GTF2A1: variants seen among roughly 807,000 people sequenced by gnomAD.
GTF2A1 encodes general transcription factor IIA subunit 1.
GTF2A1 carries 12 observed loss-of-function variants against 54.1 expected under a neutral mutation model. The ratio of observed to expected loss-of-function variants is 0.22; its 90% CI spans 0.14 to 0.36. GTF2A1 has a LOEUF of 0.36. Ranked by LOEUF, GTF2A1 falls within the 10% of genes least tolerant of loss-of-function variation. The pLI is 1.00. For missense variants in GTF2A1, 335 were observed against 442.2 expected, an observed-to-expected ratio of 0.76 and a Z score of 2.17; for synonymous variants, 145 against 152.0, an observed-to-expected ratio of 0.95 and a Z score of 0.34.
chr14:81,212,874 C>CAGA lies in GTF2A1; in HGVS notation c.132+3536_132+3538dup, dbSNP rs528656826. Among the ~76,000 whole-genome samples the CAGA allele has an allele frequency of 1.4e-3, 217 of 152,320 alleles. 1 individual carries two copies. Among genetic ancestry groups the CAGA allele is most frequent in the Admixed American group, 2.6e-3 (40 of 15,296 alleles). On this transcript the variant is annotated intron_variant, in intron 2 of 8. Coordinates refer to ENST00000553612, the MANE Select transcript of GTF2A1 (RefSeq NM_015859.4). Reference sequence around the variant, plus strand: ...GCTACCATACTGAAGAGCACAGGTACAGAACACTTTCATCACTGCAGAAAG... The same window carrying CAGA: ...GCTACCATACTGAAGAGCACAGGTACAGAAGAACACTTTCATCACTGCAGAAAG...
chr14:81,192,227 C>T (rs576221028), intron 7 of GTF2A1, among the ~76,000 whole-genome samples: 71 of 152,224 alleles, frequency 4.7e-4, no homozygotes, highest in Middle Eastern at 6.8e-3. Flanking sequence ...ATTATAAATG[C>T]GTAAGCCAGA....
At chr14:81,210,582 T>C (rs1595228427) in intron 2 of GTF2A1, among the ~76,000 whole-genome samples, 1 of 152,012 alleles carries the variant, frequency 6.6e-6, no homozygotes, top group South Asian at 2.1e-4. Flanking sequence ...GGATATGGAG[T>C]GTCACTTTGT....
chr14:81,195,789 C>T (rs1469139036), intron 6 of GTF2A1, among the ~76,000 whole-genome samples: 1 of 151,896 alleles, frequency 6.6e-6, no homozygotes, highest in Non-Finnish European at 1.5e-5. Context: ...CTCCTAAATC[C>T]CCTGACCCTT....
intron 7 of GTF2A1, 31 bp from the exon 8 acceptor site, chr14:81,185,651 TAAG>T (rs758983027): frequency 8.4e-7 from 1 of 1,185,632 alleles, no homozygotes; most frequent in South Asian, 1.3e-5. Context: ...CTTATTACTA[TAAG>T]AAGGCCTTAA....
intron 3 of GTF2A1, 37 bp from the exon 4 acceptor site, chr14:81,201,695 A>G: frequency 7.0e-7 from 1 of 1,423,376 alleles, no homozygotes; most frequent in Non-Finnish European, 9.9e-7. Context: ...ACAAGGAACC[A>G]TGAGGCTATT....
chr14:81,194,899 T>A (rs1484325476), intron 6 of GTF2A1, among the ~76,000 whole-genome samples: 2 of 152,056 alleles, frequency 1.3e-5, no homozygotes, highest in Non-Finnish European at 2.9e-5. Flanking sequence ...TCCCAGCACT[T>A]TGGGAGGCAA....
chr14:81,195,351 AG>A (rs1279296340), intron 6 of GTF2A1, among the ~76,000 whole-genome samples: 1 of 151,596 alleles, frequency 6.6e-6, no homozygotes, highest in African/African-American at 2.4e-5. Flanking sequence ...GAAAAAAAAA[AG>A]GCCGGGCGCA....
At chr14:81,187,326 G>C (rs1892772257) in intron 7 of GTF2A1, among the ~76,000 whole-genome samples, 1 of 149,770 alleles carries the variant, frequency 6.7e-6, no homozygotes, top group Non-Finnish European at 1.5e-5. Context: ...CTGCACTCCA[G>C]CCTGGGCAGC....
At chr14:81,211,537 C>T (rs1893363741) in intron 2 of GTF2A1, among the ~76,000 whole-genome samples, 1 of 152,066 alleles carries the variant, frequency 6.6e-6, no homozygotes, top group African/African-American at 2.4e-5. Context: ...CCTACTGCTC[C>T]CCAAGTTAAT....
chr14:81,191,842 G>GA (rs1381295078), intron 7 of GTF2A1, among the ~76,000 whole-genome samples: 3 of 151,714 alleles, frequency 2.0e-5, no homozygotes, highest in African/African-American at 4.8e-5. Flanking sequence ...GTTTTCTTCA[G>GA]AAAAAAAATT....
chr14:81,208,359 G>A (rs1315751477), intron 2 of GTF2A1, among the ~76,000 whole-genome samples: 1 of 152,220 alleles, frequency 6.6e-6, no homozygotes, highest in Non-Finnish European at 1.5e-5. Flanking sequence ...CAGAAGTCAA[G>A]AATTGAGGTT....
chr14:81,183,088 T>C (rs1433965077), intron 8 of GTF2A1, among the ~76,000 whole-genome samples: 1 of 152,228 alleles, frequency 6.6e-6, no homozygotes, highest in African/African-American at 2.4e-5. Context: ...TAAATCCTAA[T>C]TTATTATGTT....
intron 6 of GTF2A1, among the ~76,000 whole-genome samples, chr14:81,194,815 T>C (rs763606890): frequency 6.6e-6 from 1 of 152,210 alleles, no homozygotes; most frequent in Non-Finnish European, 1.5e-5. Context: ...CTCTTCTCAG[T>C]AGGCAATGAA....
intron 2 of GTF2A1, among the ~76,000 whole-genome samples, chr14:81,207,308 T>C (rs1893259046): frequency 6.6e-6 from 1 of 152,144 alleles, no homozygotes; most frequent in African/African-American, 2.4e-5. Context: ...TTTCCCACGC[T>C]ATTCTCAGGA....
At chr14:81,203,769 T>C (rs897229119) in intron 3 of GTF2A1, 131 bp downstream of exon 3, 30 of 698,762 alleles carry the variant, frequency 4.3e-5, no homozygotes, top group Non-Finnish European at 6.9e-5. Context: ...AACAGAGGGG[T>C]TTTTGTTTAT....
In GTF2A1 at chr14:81,176,960, CCT is replaced by C. The variant is rs1233805368; in HGVS notation, c.*3261_*3262del. ...GTTTTCCTATACAAGGGGTATTTAC[CCT>C]CTGATAAGAATGGTGACATTATTGC... On this transcript the variant is annotated 3_prime_UTR_variant, in exon 9 of 9. Coordinates refer to ENST00000553612, the MANE Select transcript of GTF2A1 (RefSeq NM_015859.4). 1 of 151,782 alleles carries C rather than the reference CCT, an allele frequency of 6.6e-6. No individual in the cohort carries two copies. Among genetic ancestry groups the C allele is most frequent in the Non-Finnish European group, 1.5e-5 (1 of 67,878 alleles). 9.4% of individuals were successfully genotyped at this position (151,782 alleles called of 1,614,324 possible).
intron 6 of GTF2A1, among the ~76,000 whole-genome samples, chr14:81,194,347 T>C (rs1252168499): frequency 6.6e-6 from 1 of 152,224 alleles, no homozygotes; most frequent in Non-Finnish European, 1.5e-5. Flanking sequence ...CAGTCCCTGG[T>C]GTCAAAAAGC....
rs1193018650 is a variant in GTF2A1 at position 81,175,569 on chromosome 14, A to T, written c.*4654T>A. On this transcript the variant is annotated 3_prime_UTR_variant, in exon 9 of 9. Coordinates refer to ENST00000553612, the MANE Select transcript of GTF2A1 (RefSeq NM_015859.4). ...ATACAAAAAGGCGAGCTTCTTAATG[A>T]TTCAGCTGAATTAACTATAAAATTA... 1 of 152,202 alleles carries T rather than the reference A, an allele frequency of 6.6e-6. No homozygotes were observed. Among genetic ancestry groups the T allele is most frequent in the Non-Finnish European group, 1.5e-5 (1 of 68,026 alleles). The allele number at this position is 152,202 out of a possible 1,614,324, so 9.4% of individuals were successfully genotyped here.
intron 7 of GTF2A1, among the ~76,000 whole-genome samples, chr14:81,185,954 G>A (rs1006855742): frequency 1.4e-4 from 22 of 152,200 alleles, no homozygotes; most frequent in African/African-American, 5.3e-4. Flanking sequence ...CCGGCTTCGA[G>A]CAATTCTCCT....
Sources: allele counts gnomAD v4.1 joint callset (sites outside exome capture counted in the v4.1 genomes callset), GRCh38; gene constraint gnomAD v4.1.1; transcripts MANE v1.5; gene names NCBI Gene and HGNC (gene_info 2026-07-23, HGNC 2026-07-21).